SLC4A2: variants seen among roughly 807,000 people sequenced by gnomAD.
SLC4A2 encodes the protein anion exchange protein 2.
Under a neutral mutation model 115.0 loss-of-function variants are expected in SLC4A2, and 36 were observed. The observed-to-expected ratio is 0.31, with a 90% CI of 0.24 to 0.41. SLC4A2 has a LOEUF of 0.41. Ranked by LOEUF, SLC4A2 falls within the 10% of genes least tolerant of loss-of-function variation. SLC4A2 has a pLI of 1.00. For missense variants in SLC4A2, 1,252 were observed against 1,705.6 expected (o/e 0.73, Z 4.68); for synonymous variants, 708 against 708.3 (o/e 1.00, Z 0.01).
chr7:151,064,385 G>A lies in SLC4A2; in HGVS notation c.217+18G>A, dbSNP rs1319776684. 1 of 1,555,176 alleles carries A rather than the reference G, an allele frequency of 6.4e-7. No homozygotes were observed. Among genetic ancestry groups the A allele is most frequent in the South Asian group, 1.2e-5 (1 of 86,900 alleles). On this transcript the variant is annotated intron_variant, in intron 3 of 22. Transcript: ENST00000413384. ...CTTTGAGTGTGAGGGGGCAGGCAGG[G>A]GAGGGGGAGGTGGGGGGATCAGGTT...
intron 18 of SLC4A2, 46 bp downstream of exon 18, chr7:151,074,534 C>T: frequency 6.2e-7 from 1 of 1,604,742 alleles, no homozygotes; most frequent in Non-Finnish European, 8.5e-7. Context: ...CTCTGCCACC[C>T]CGGGTCTAGG....
intron 22 of SLC4A2, 47 bp from the exon 23 acceptor site, chr7:151,076,240 A>T: frequency 6.3e-7 from 1 of 1,598,738 alleles, no homozygotes; most frequent in Non-Finnish European, 8.5e-7. Flanking sequence ...GTGGATCTGG[A>T]AAGGCCCCCC....
At chr7:151,068,664 C>T (rs540512457) in intron 8 of SLC4A2, among the ~76,000 whole-genome samples, 3 of 152,102 alleles carry the variant, frequency 2.0e-5, no homozygotes, top group South Asian at 2.1e-4. Flanking sequence ...GAACTACAGG[C>T]GCGTGCTACC....
chr7:151,062,603 C>A, intron 2 of SLC4A2: 1 of 1,502,432 alleles, frequency 6.7e-7, no homozygotes. Context: ...ACAGGCTGGT[C>A]CCCTCCCCCT....
intron 5 of SLC4A2, 42 bp downstream of exon 5, chr7:151,065,008 C>A (rs747286389): frequency 2.3e-6 from 3 of 1,287,612 alleles, no homozygotes; most frequent in South Asian, 1.2e-5. Flanking sequence ...CAGACACTTC[C>A]CCTGCTAGGA....
At chr7:151,075,827 C>A in intron 21 of SLC4A2, 52 bp downstream of exon 21, 1 of 1,560,792 alleles carries the variant, frequency 6.4e-7, no homozygotes, top group South Asian at 1.2e-5. Context: ...CCATCCTGGT[C>A]TACTTGGGTC....
intron 16 of SLC4A2, 110 bp downstream of exon 16, chr7:151,072,246 C>T: frequency 1.1e-6 from 1 of 879,282 alleles, no homozygotes; most frequent in Non-Finnish European, 1.8e-6. Flanking sequence ...CTGGAGCATC[C>T]CCGGGGCTTG....
chr7:151,076,323 C>A lies in SLC4A2; in HGVS notation c.3682C>A (p.Arg1228=). 1 of 1,544,056 alleles carries A rather than the reference C, an allele frequency of 6.5e-7. No homozygotes were observed. Among genetic ancestry groups the A allele is most frequent in the Non-Finnish European group, 8.7e-7 (1 of 1,143,092 alleles). Residue 1228 remains arginine, a synonymous_variant, in exon 23 of 23, where the codon CGG becomes AGG. Coordinates refer to ENST00000413384, the MANE Select transcript of SLC4A2 (RefSeq NM_003040.4). Reference sequence around the variant, plus strand: ...CGAGGCAGAGCCGGTGTTTGATGAGCGGGAGGGTGTGGACGAGTACAATGA... The same window carrying A: ...CGAGGCAGAGCCGGTGTTTGATGAGAGGGAGGGTGTGGACGAGTACAATGA... ...ANEAEPVFDE[R]EGVDEYNEMP...
Position 151,075,665 on chromosome 7 carries a change from A to G in SLC4A2, c.3361A>G (p.Ile1121Val). 2 of 1,609,632 alleles carry G rather than the reference A, an allele frequency of 1.2e-6. No homozygotes were observed. Among genetic ancestry groups the G allele is most frequent in the Non-Finnish European group, 1.7e-6 (2 of 1,178,328 alleles). Residue 1121 changes from isoleucine (I) to valine (V), a missense_variant, in exon 21 of 23, where the codon ATT (isoleucine) becomes GTT (valine). Ile to Val is a conservative substitution (Grantham distance 29, BLOSUM62 3). This residue lies in a region of SLC4A2 where 253 missense variants were observed against 407.4 expected (regional missense o/e 0.62). Coordinates refer to ENST00000413384, the MANE Select transcript of SLC4A2 (RefSeq NM_003040.4). Reference protein sequence around the residue: ...RQIPLAVLFGIFLYMGVTSLN... With the variant: ...RQIPLAVLFGVFLYMGVTSLN... The stretch of plus-strand genomic sequence containing the variant: ...GATCCCCCTGGCCGTGCTCTTTGGA[A>G]TTTTCCTGTACATGGGAGTCACCTC...
In SLC4A2 at chr7:151,071,391, G is replaced by A. The variant is rs543576937; in HGVS notation, c.1977G>A (p.Ala659=). The change falls in exon 14 of 23, where the codon GCG becomes GCA. Residue 659 remains alanine, a splice_region_variant and synonymous_variant. Transcript: ENST00000413384. This position sits in a 1 kb window ranked among gnomAD's most constrained non-coding sequence, Gnocchi z 5.5. The stretch of plus-strand genomic sequence containing the variant: ...CCCTGACGGAGGCCTGGGTTGCAGC[G>A]CTCCTGCAGATGGTAGAGGCGGCAG... ...GLEPKSAQDK[A]LLQMVEAAGA... The A allele has an allele frequency of 3.8e-5, 61 of 1,590,866 alleles. No individual in the cohort carries two copies. The highest frequency in any genetic ancestry group is 4.4e-5 in the Non-Finnish European group (52 of 1,173,430).
rs113415533 is a variant in SLC4A2, at chr7:151,069,103, C to T, written c.1148-844C>T. On this transcript the variant is annotated intron_variant, in intron 8 of 22. Coordinates refer to ENST00000413384, the MANE Select transcript of SLC4A2 (RefSeq NM_003040.4). Reference sequence around the variant, plus strand: ...GCAGTGAGCCAAGATCATGCCATTGCGCTCCAGCCTGAACGACAGAGCGAG... The same window carrying T: ...GCAGTGAGCCAAGATCATGCCATTGTGCTCCAGCCTGAACGACAGAGCGAG... 5.3e-3 allele frequency among the ~76,000 whole-genome samples: 699 copies of T among 131,984 alleles called. 5 individuals carry two copies. Among genetic ancestry groups the T allele is most frequent in the African/African-American group, 0.019 (658 of 34,324 alleles). The allele number at this position is 131,984 out of a possible 152,430, so 86.6% of individuals were successfully genotyped here.
upstream of SLC4A2, chr7:151,058,672 G>A (rs1796958377): frequency 2.6e-5 from 4 of 152,272 alleles, no homozygotes; most frequent in Non-Finnish European, 5.9e-5. Flanking sequence ...CCAGTCTCCG[G>A]AACAGGGCCC....
intron 2 of SLC4A2, chr7:151,062,419 C>A: frequency 1.2e-6 from 1 of 857,546 alleles, no homozygotes. Context: ...CCACGACTGG[C>A]CACGCCCCCT....
intron 5 of SLC4A2, 98 bp downstream of exon 5, chr7:151,065,064 G>A (rs1797186240): frequency 1.1e-6 from 1 of 902,822 alleles, no homozygotes; most frequent in Non-Finnish European, 1.8e-6. Flanking sequence ...GAATCACCAG[G>A]CCAGGGTTCA....
In SLC4A2 at chr7:151,071,290, A is replaced by C; in HGVS notation, c.1968A>C (p.Gln656His). The change falls in exon 13 of 23, where the codon CAA becomes CAC. Residue 656 changes from glutamine to histidine, a missense_variant. Transcript: ENST00000413384. The surrounding 1 kb of genome is among the most constrained non-coding windows in gnomAD (Gnocchi z 5.5). ...CTGGGCTGGAGCCCAAATCTGCCCA[A>C]GATAAGGGTACGGCCAGGGCGGGCT... ...TGAGLEPKSAQDKALLQMVEA... is the reference protein window; with the variant it reads ...TGAGLEPKSAHDKALLQMVEA... 6.4e-7 allele frequency: 1 copy of C among 1,554,088 alleles called. No individual in the cohort carries two copies. The highest frequency in any genetic ancestry group is 8.7e-7 in the Non-Finnish European group (1 of 1,150,886).
At position 151,075,992 on chromosome 7, in the gene SLC4A2, TCA is replaced by T; in HGVS notation, c.3472-19_3472-18del. On this transcript the variant is annotated intron_variant, in intron 21 of 22. Coordinates refer to ENST00000413384, the MANE Select transcript of SLC4A2 (RefSeq NM_003040.4). ...CAGCAGGCTAGGGAGGAAGCTGGGC[TCA>T]CCTGTCTCCGCCCCCCAGGTCCGGA... is the stretch of plus-strand genomic sequence containing the variant. 1 of 1,565,050 alleles carries T rather than the reference TCA, an allele frequency of 6.4e-7. No individual in the cohort carries two copies. Among genetic ancestry groups the T allele is most frequent in the Non-Finnish European group, 8.7e-7 (1 of 1,155,224 alleles).
chr7:151,068,074 C>A lies in SLC4A2; in HGVS notation c.1147+20C>A, dbSNP rs1187252793. Reference sequence around the variant, plus strand: ...CCCATGGTAACCCCGCTCCCCTCCACCTCCCGCCTGGCCAGTCCCCAGGAA... The same window carrying A: ...CCCATGGTAACCCCGCTCCCCTCCAACTCCCGCCTGGCCAGTCCCCAGGAA... On this transcript the variant is annotated intron_variant, in intron 8 of 22. Transcript: ENST00000413384. 2 of 1,438,458 alleles carry A rather than the reference C, an allele frequency of 1.4e-6. No homozygotes were observed. Among genetic ancestry groups the A allele is most frequent in the Non-Finnish European group, 1.8e-6 (2 of 1,098,252 alleles). 89.1% of individuals were successfully genotyped at this position (1,438,458 alleles called of 1,614,324 possible). A position where few individuals can be genotyped will look rare whatever the true frequency, so the allele number is the denominator to read the frequency against.
rs770338798 is a variant in SLC4A2, at chr7:151,064,592, G to A, written c.284G>A (p.Arg95His). 92 of 1,612,832 alleles carry A rather than the reference G, an allele frequency of 5.7e-5. No homozygotes were observed. Among genetic ancestry groups the A allele is most frequent in the South Asian group, 1.6e-4 (15 of 91,036 alleles). The change falls in exon 4 of 23, where the codon CGC (arginine) becomes CAC (histidine). Residue 95 changes from arginine (R) to histidine (H), a missense_variant. Transcript: ENST00000413384. ...LSTHLPPDAR[R>H]RKTPQGPGRK... ...ACCCACCTGCCTCCGGATGCACGCC[G>A]CCGCAAGACACCCCAGGGCCCAGGA...
chr7:151,069,429 A>G (rs1476350209), intron 8 of SLC4A2, among the ~76,000 whole-genome samples: 2 of 152,172 alleles, frequency 1.3e-5, no homozygotes, highest in African/African-American at 4.8e-5. Flanking sequence ...GAGGTTGAGA[A>G]GCCGACAAGG....
Sources: allele counts gnomAD v4.1 joint callset (sites outside exome capture counted in the v4.1 genomes callset), GRCh38; gene constraint gnomAD v4.1.1; regional missense constraint gnomAD v4.1.1; non-coding constraint Gnocchi (gnomAD v3.1); transcripts MANE v1.5; gene names NCBI Gene and HGNC (gene_info 2026-07-23, HGNC 2026-07-21).